The following NAV3 variants were observed in gnomAD, a reference collection of about 807,000 sequenced individuals.
The protein encoded by NAV3 is pore membrane and/or filament interacting like protein 1.
In NAV3, 87 loss-of-function variants were observed where a neutral mutation model predicts 244.7. The observed-to-expected ratio is 0.36, with a 90% confidence interval of 0.30 to 0.42. The LOEUF (loss-of-function observed/expected upper bound fraction) is 0.42. NAV3 is among the 20% of genes least tolerant of loss of function. The pLI, the probability that NAV3 is intolerant of heterozygous loss-of-function variation, is 1.00. For synonymous variants in NAV3, 1,126 were observed against 1,042.2 expected, an observed-to-expected ratio of 1.08 and a Z score of -1.55; for missense variants, 2,663 against 2,893.3, an observed-to-expected ratio of 0.92 and a Z score of 1.83.
chr12:77,666,095 G>A (rs936057863), intron 2 of NAV3, among the ~76,000 whole-genome samples: 4 of 148,600 alleles, frequency 2.7e-5, no homozygotes, highest in African/African-American at 9.9e-5. Context: ...AATCTCTTCT[G>A]TTTTTATAAA....
At chr12:78,166,930 A>T (rs1957803213) in intron 23 of NAV3, among the ~76,000 whole-genome samples, 1 of 151,874 alleles carries the variant, frequency 6.6e-6, no homozygotes, top group East Asian at 1.9e-4. Flanking sequence ...ATTGATCTTA[A>T]ATTTAAGGAT....
chr12:77,908,592 G>A (rs1277443632), intron 1 of NAV3, among the ~76,000 whole-genome samples: 1 of 151,928 alleles, frequency 6.6e-6, no homozygotes, highest in East Asian at 1.9e-4. Context: ...TTGTTTTATA[G>A]TAGTGTTTGA....
chr12:78,142,242 T>C (rs1007628547), intron 20 of NAV3, among the ~76,000 whole-genome samples: 1 of 152,110 alleles, frequency 6.6e-6, no homozygotes, highest in Non-Finnish European at 1.5e-5. Context: ...ACAACTATTG[T>C]GTATCCCAAT....
At chr12:77,952,468 C>T (rs1013683689) in intron 3 of NAV3, among the ~76,000 whole-genome samples, 2 of 151,990 alleles carry the variant, frequency 1.3e-5, no homozygotes, top group African/African-American at 4.8e-5. Flanking sequence ...CCCATTTTTT[C>T]ACCAACCCCA....
chr12:78,073,660 GC>G (rs764084481), intron 12 of NAV3, among the ~76,000 whole-genome samples: 3 of 152,028 alleles, frequency 2.0e-5, no homozygotes, highest in Non-Finnish European at 4.4e-5. Context: ...GCTACCAATG[GC>G]TTTCTTCACA....
At chr12:77,753,565 G>GT (rs550229446) in intron 2 of NAV3, among the ~76,000 whole-genome samples, 8 of 152,058 alleles carry the variant, frequency 5.3e-5, no homozygotes, top group Non-Finnish European at 1.2e-4. Context: ...TGATTTTGCA[G>GT]TTTTTACTAG....
chr12:77,855,583 G>C (rs1176160343), intron 1 of NAV3, among the ~76,000 whole-genome samples: 1 of 152,210 alleles, frequency 6.6e-6, no homozygotes, highest in Non-Finnish European at 1.5e-5. Flanking sequence ...CTTGAATCTG[G>C]ACTGGCCTTG....
chr12:77,915,808 T>C (rs1887085645), intron 1 of NAV3, among the ~76,000 whole-genome samples: 1 of 151,998 alleles, frequency 6.6e-6, no homozygotes, highest in African/African-American at 2.4e-5. Flanking sequence ...CATTCATTCA[T>C]TTAGTCCCAT....
intron 2 of NAV3, among the ~76,000 whole-genome samples, chr12:77,579,108 C>G (rs1244421244): frequency 2.6e-5 from 4 of 152,152 alleles, no homozygotes; most frequent in African/African-American, 9.7e-5. Flanking sequence ...ATGAATGTCT[C>G]TACTCTCCTA....
intron 2 of NAV3, among the ~76,000 whole-genome samples, chr12:77,650,156 C>G (rs980396128): frequency 2.0e-5 from 3 of 152,084 alleles, no homozygotes; most frequent in African/African-American, 7.2e-5. Context: ...TCAGATGTAG[C>G]CATAAAGCAG....
At position 78,197,243 on chromosome 12, in the gene NAV3, A is replaced by G. The variant is rs1239889907; in HGVS notation, c.6292-4A>G. ...ACGTATCTGTTTTCTTCATTTTTTAAAAGGAATTGCAACAATATCTAGCTA... is the reference window on the plus strand; with the variant it reads ...ACGTATCTGTTTTCTTCATTTTTTAGAAGGAATTGCAACAATATCTAGCTA... On this transcript the variant is annotated splice_polypyrimidine_tract_variant and splice_region_variant and intron_variant, in intron 34 of 39. Coordinates refer to ENST00000397909, the MANE Select transcript of NAV3 (RefSeq NM_001024383.2). The G allele has an allele frequency of 6.6e-7, 1 of 1,517,148 alleles. No homozygotes were observed. The highest frequency in any genetic ancestry group is 8.8e-7 in the Non-Finnish European group (1 of 1,130,314). 94.0% of individuals were successfully genotyped at this position (1,517,148 alleles called of 1,614,324 possible).
intron 3 of NAV3, among the ~76,000 whole-genome samples, chr12:77,951,311 A>C (rs1024599443): frequency 5.3e-5 from 8 of 152,248 alleles, no homozygotes; most frequent in African/African-American, 1.9e-4. Context: ...CAACAGGCAC[A>C]TGAAAAAATG....
chr12:77,899,640 T>C (rs920020652), intron 1 of NAV3, among the ~76,000 whole-genome samples: 2 of 152,240 alleles, frequency 1.3e-5, no homozygotes, highest in Admixed American at 6.5e-5. Context: ...TGACTTGCTT[T>C]ATTGCACTAT....
intron 12 of NAV3, among the ~76,000 whole-genome samples, chr12:78,060,377 ACT>A (rs1884149840): frequency 6.6e-6 from 1 of 151,896 alleles, no homozygotes; most frequent in Admixed American, 6.6e-5. Flanking sequence ...TGATATCCTG[ACT>A]CATAGTGGTT....
intron 2 of NAV3, among the ~76,000 whole-genome samples, chr12:77,741,167 G>GAAAAAAAAAAAAA (rs1868327621): frequency 5.3e-5 from 4 of 76,070 alleles, no homozygotes; most frequent in Non-Finnish European, 1.1e-4. Context: ...AAAAAAAAAA[G>GAAAAAAAAAAAAA]AAAAGAAAGA....
intron 1 of NAV3, among the ~76,000 whole-genome samples, chr12:77,925,384 C>A (rs886524899): frequency 6.6e-6 from 1 of 152,092 alleles, no homozygotes; most frequent in Non-Finnish European, 1.5e-5. Flanking sequence ...ATATAGTGAG[C>A]AGTCTGCATG....
chr12:77,884,011 T>G (rs1731705), intron 1 of NAV3, among the ~76,000 whole-genome samples: 20,697 of 152,166 alleles, frequency 0.14, 1,515 homozygotes, highest in East Asian at 0.22. Flanking sequence ...AACCTCTTTG[T>G]GAGGTATAGC....
rs375456405 is a variant in NAV3, at chr12:77,586,592, C to T, written c.72+14326C>T. 3.3e-5 allele frequency among the ~76,000 whole-genome samples: 5 copies of T among 151,918 alleles called. No individual in the cohort carries two copies. In the South Asian group the frequency reaches 1.0e-3, roughly 31 times the overall value. On this transcript the variant is annotated intron_variant, in intron 2 of 8. Coordinates refer to the NAV3 transcript ENST00000550042. ...ATCTACTAGAAGTTTAGGATTTTTGCCTAAGAGAAAGTAAATCTAGAGCAA... is the reference window on the plus strand; with the variant it reads ...ATCTACTAGAAGTTTAGGATTTTTGTCTAAGAGAAAGTAAATCTAGAGCAA...
chr12:77,709,666 G>A (rs1388673199), intron 2 of NAV3, among the ~76,000 whole-genome samples: 1 of 152,074 alleles, frequency 6.6e-6, no homozygotes, highest in Non-Finnish European at 1.5e-5. Flanking sequence ...CTAAAGTATT[G>A]AGAAATTACA....
Sources: allele counts gnomAD v4.1 joint callset (sites outside exome capture counted in the v4.1 genomes callset), GRCh38; gene constraint gnomAD v4.1.1; transcripts MANE v1.5; gene names NCBI Gene and HGNC (gene_info 2026-07-23, HGNC 2026-07-21).